The following KLHL14 variants were observed in gnomAD, a reference collection of about 807,000 sequenced individuals.
KLHL14 encodes the protein kelch-like protein 14.
A neutral mutation model predicts 64.3 loss-of-function variants in KLHL14; 22 were observed. The ratio of observed to expected loss-of-function variants is 0.34; its 90% CI spans 0.24 to 0.49. KLHL14 has a LOEUF of 0.49. KLHL14 is among the 20% of genes least tolerant of loss of function. KLHL14 has a pLI of 0.99. For synonymous variants in KLHL14, 322 were observed against 333.4 expected, an observed-to-expected ratio of 0.97 and a Z score of 0.37; for missense variants, 661 against 789.0, an observed-to-expected ratio of 0.84 and a Z score of 1.94.
intron 7 of KLHL14, among the ~76,000 whole-genome samples, chr18:32,679,635 G>GT (rs999408304): frequency 6.6e-6 from 1 of 151,980 alleles, no homozygotes; most frequent in African/African-American, 2.4e-5. Flanking sequence ...TATGCTTTAA[G>GT]TTTTTTATTG....
chr18:32,705,817 A>G (rs1240462199), intron 3 of KLHL14, among the ~76,000 whole-genome samples: 1 of 152,096 alleles, frequency 6.6e-6, no homozygotes, highest in African/African-American at 2.4e-5. Context: ...GGTGCAAATA[A>G]GAGGAACGTG....
intron 2 of KLHL14, among the ~76,000 whole-genome samples, chr18:32,758,486 T>C (rs2050295161): frequency 6.6e-6 from 1 of 152,180 alleles, no homozygotes; most frequent in Non-Finnish European, 1.5e-5. Flanking sequence ...GAATGTAAAA[T>C]GGTGCAGCTG....
chr18:32,696,227 T>C (rs1030505817), intron 3 of KLHL14, among the ~76,000 whole-genome samples: 1 of 152,108 alleles, frequency 6.6e-6, no homozygotes, highest in Non-Finnish European at 1.5e-5. Context: ...ATCACAAATA[T>C]CTATTCTCCT....
intron 4 of KLHL14, among the ~76,000 whole-genome samples, chr18:32,695,006 T>C (rs980941073): frequency 6.6e-6 from 1 of 152,196 alleles, no homozygotes. Context: ...TGTTGAGTAA[T>C]ACCTGCTGCC....
Position 32,769,671 on chromosome 18 carries a change from C to T in KLHL14, c.921G>A (p.Gln307=). 3 of 1,443,350 alleles carry T rather than the reference C, an allele frequency of 2.1e-6. No individual in the cohort carries two copies. The highest frequency in any genetic ancestry group is 2.8e-6 in the Non-Finnish European group (3 of 1,082,840). 89.4% of individuals were successfully genotyped at this position (1,443,350 alleles called of 1,614,324 possible). ...TGCTGGCCAGGCTCTGCCTGCAGTG[C>T]TGCCTGAAGGGCATCAGGTGGTAGT... ...AMNYHLMPFR[Q]HCRQSLASRI... Residue 307 remains glutamine (Q), a synonymous_variant, in exon 2 of 9, where the codon CAG becomes CAA. Coordinates refer to ENST00000359358, the MANE Select transcript of KLHL14 (RefSeq NM_020805.3).
intron 2 of KLHL14, among the ~76,000 whole-genome samples, chr18:32,747,651 C>G (rs992204298): frequency 6.6e-6 from 1 of 152,198 alleles, no homozygotes; most frequent in Non-Finnish European, 1.5e-5. Flanking sequence ...CACTCACCTC[C>G]TGCTGTACGG....
intron 2 of KLHL14, among the ~76,000 whole-genome samples, chr18:32,758,131 T>C (rs1165072226): frequency 1.3e-5 from 2 of 152,070 alleles, no homozygotes; most frequent in Non-Finnish European, 2.9e-5. Flanking sequence ...TTTTTGTTTG[T>C]TTGTTTTTAG....
In KLHL14 at chr18:32,680,620, A is replaced by T. The variant is rs1465449450; in HGVS notation, c.1239-21T>A. On this transcript the variant is annotated intron_variant, in intron 5 of 8. Transcript: ENST00000359358. The surrounding 1 kb of genome is among the most constrained non-coding windows in gnomAD (Gnocchi z 4.8). ...CTCTTCTACAATGAAAAGAACCCAC[A>T]GTAAATCACAAGAGGAGCTGTGAAA... The T allele has an allele frequency of 6.3e-7, 1 of 1,582,522 alleles. No homozygotes were observed. The highest frequency in any genetic ancestry group is 1.1e-5 in the South Asian group (1 of 88,220).
At chr18:32,727,842 C>A (rs1016744193) in intron 3 of KLHL14, among the ~76,000 whole-genome samples, 1 of 152,086 alleles carries the variant, frequency 6.6e-6, no homozygotes, top group Non-Finnish European at 1.5e-5. Context: ...CAGAGGAGTA[C>A]CCCCATGTCA....
intron 4 of KLHL14, among the ~76,000 whole-genome samples, chr18:32,691,169 A>G (rs376769740): frequency 1.3e-5 from 2 of 152,158 alleles, no homozygotes; most frequent in African/African-American, 4.8e-5. Context: ...ATGTTTCTCT[A>G]GATGTTTGGT....
rs1003088326 is a variant in KLHL14, at chr18:32,674,204, G to A, written c.*453C>T. 5 of 153,760 alleles carry A rather than the reference G, an allele frequency of 3.3e-5. No homozygotes were observed. Among genetic ancestry groups the A allele is most frequent in the African/African-American group, 1.2e-4 (5 of 41,456 alleles). 9.5% of individuals were successfully genotyped at this position (153,760 alleles called of 1,614,324 possible). A position where few individuals can be genotyped will look rare whatever the true frequency, so the allele number is the denominator to read the frequency against. ...AAAGGTTAAGAGTACAGAATCAAGT[G>A]GCAATTTCTGTAATGCAGTGTATTT... On this transcript the variant is annotated 3_prime_UTR_variant, in exon 9 of 9. Transcript: ENST00000359358.
Position 32,770,654 on chromosome 18 carries a change from G to A in KLHL14, c.-43-20C>T, listed in dbSNP as rs1272782248. The A allele has an allele frequency of 2.3e-6, 1 of 431,358 alleles. No homozygotes were observed. Among genetic ancestry groups the A allele is most frequent in the South Asian group, 2.1e-5 (1 of 48,052 alleles). 26.7% of individuals were successfully genotyped at this position (431,358 alleles called of 1,614,324 possible). A position where few individuals can be genotyped will look rare whatever the true frequency, so the allele number is the denominator to read the frequency against. On this transcript the variant is annotated intron_variant, in intron 1 of 8. Transcript: ENST00000359358. This position sits in a 1 kb window ranked among gnomAD's most constrained non-coding sequence, Gnocchi z 6.7. ...TCCAACCTGGCAGACAGGGGTGGGG[G>A]ATGGGAGGGAGGGGAGCAGGGTGGT...
At chr18:32,685,952 G>A (rs945007913) in intron 5 of KLHL14, among the ~76,000 whole-genome samples, 2 of 151,824 alleles carry the variant, frequency 1.3e-5, no homozygotes, top group Non-Finnish European at 2.9e-5. Flanking sequence ...ATATTCAGGT[G>A]AGAAGTCATG....
intron 2 of KLHL14, 91 bp from the exon 3 acceptor site, chr18:32,742,140 T>C: frequency 7.2e-7 from 1 of 1,395,384 alleles, no homozygotes. Flanking sequence ...AGAATGTTCC[T>C]TGCTTGCAGA....
intron 4 of KLHL14, among the ~76,000 whole-genome samples, chr18:32,694,836 A>G (rs1331328899): frequency 1.3e-5 from 2 of 152,192 alleles, no homozygotes; most frequent in African/African-American, 2.4e-5. Flanking sequence ...ATAATTTTGC[A>G]TGTTCTGCAA....
intron 3 of KLHL14, among the ~76,000 whole-genome samples, chr18:32,698,785 C>G (rs894106834): frequency 2.0e-5 from 3 of 152,142 alleles, no homozygotes; most frequent in Admixed American, 6.5e-5. Flanking sequence ...TCTGAAGGAG[C>G]ATTTCATTTC....
intron 2 of KLHL14, among the ~76,000 whole-genome samples, chr18:32,750,318 T>A (rs950927505): frequency 9.2e-5 from 14 of 152,224 alleles, no homozygotes; most frequent in African/African-American, 3.1e-4. Context: ...CCAGCTGAAA[T>A]CTGGGTTACA....
rs2050379575 is a variant in KLHL14 at position 32,770,737 on chromosome 18, G to C, written c.-43-103C>G. The C allele has an allele frequency of 1.6e-6, 1 of 614,416 alleles. No homozygotes were observed. Among genetic ancestry groups the C allele is most frequent in the Non-Finnish European group, 2.5e-6 (1 of 401,168 alleles). The allele number at this position is 614,416 out of a possible 1,614,324, so 38.1% of individuals were successfully genotyped here. A position where few individuals can be genotyped will look rare whatever the true frequency, so the allele number is the denominator to read the frequency against. ...GGTGTGGAGGGGAGGGGAGGGCGAA[G>C]AACAAGAATCAAGGCTCAGCTTGAC... On this transcript the variant is annotated intron_variant, in intron 1 of 8. Coordinates refer to ENST00000359358, the MANE Select transcript of KLHL14 (RefSeq NM_020805.3). The surrounding 1 kb of genome is among the most constrained non-coding windows in gnomAD (Gnocchi z 6.7).
intron 4 of KLHL14, among the ~76,000 whole-genome samples, chr18:32,689,545 A>G (rs1341226052): frequency 1.3e-5 from 2 of 152,128 alleles, no homozygotes; most frequent in Non-Finnish European, 2.9e-5. Flanking sequence ...GGAGAGACTA[A>G]GATGTAAGAA....
Sources: allele counts gnomAD v4.1 joint callset (sites outside exome capture counted in the v4.1 genomes callset), GRCh38; gene constraint gnomAD v4.1.1; non-coding constraint Gnocchi (gnomAD v3.1); transcripts MANE v1.5; gene names NCBI Gene and HGNC (gene_info 2026-07-23, HGNC 2026-07-21).